CASK: variants seen among roughly 807,000 people sequenced by gnomAD.
The protein encoded by CASK is peripheral plasma membrane protein CASK.
A neutral mutation model predicts 82.9 loss-of-function variants in CASK; 4 were observed. The ratio of observed to expected loss-of-function variants is 0.05; its 90% CI spans 0.02 to 0.11. CASK has a LOEUF of 0.11. Ranked by LOEUF, CASK falls within the 10% of genes least tolerant of loss-of-function variation. The probability of loss-of-function intolerance (pLI) is 1.00; values close to 1 mark genes in which losing one functional copy is unlikely to be tolerated. For missense variants in CASK, 358 were observed against 720.9 expected (o/e 0.50, Z 5.76); for synonymous variants, 259 against 253.5 (o/e 1.02, Z -0.20).
At chrX:41,547,200 C>T (rs1433220994) in intron 21 of CASK, among the ~76,000 whole-genome samples, 1 of 112,227 alleles carries the variant, frequency 8.9e-6, no homozygotes, top group Non-Finnish European at 1.9e-5. Flanking sequence ...TCCCAAAGTG[C>T]TGGGATTACA....
chrX:41,711,519 G>A (rs1015002132), intron 5 of CASK, among the ~76,000 whole-genome samples: 5 of 110,702 alleles, frequency 4.5e-5, no homozygotes, highest in African/African-American at 1.6e-4. Context: ...AGATAGGGGC[G>A]AGTCCTCAGT....
chrX:41,551,198 A>G (rs915980815), intron 21 of CASK, among the ~76,000 whole-genome samples: 1 of 111,981 alleles, frequency 8.9e-6, no homozygotes, highest in Admixed American at 9.5e-5. Context: ...GGAAACTTCA[A>G]ATCAAGTACA....
At chrX:41,718,683 A>G (rs775769707) in intron 5 of CASK, among the ~76,000 whole-genome samples, 2 of 111,829 alleles carry the variant, frequency 1.8e-5, no homozygotes, top group Admixed American at 9.5e-5. Flanking sequence ...TCTACCCTCA[A>G]TTGGCATTGT....
At chrX:41,860,199 T>C (rs112878568) in intron 1 of CASK, among the ~76,000 whole-genome samples, 1,148 of 110,609 alleles carry the variant, frequency 0.01, 14 homozygotes, top group African/African-American at 0.035. Flanking sequence ...TGTAAGTACA[T>C]AAAATTTTGA....
At chrX:41,576,499 G>A (rs1003067990) in intron 15 of CASK, among the ~76,000 whole-genome samples, 10 of 111,198 alleles carry the variant, frequency 9.0e-5, no homozygotes, top group African/African-American at 3.3e-4. Flanking sequence ...TAAGTAAACC[G>A]TGCTAAGCTA....
chrX:41,768,769 ACCAG>A lies in CASK; in HGVS notation c.278+18405_278+18408del, dbSNP rs773790255. 6.3e-5 allele frequency among the ~76,000 whole-genome samples: 7 copies of A among 111,858 alleles called. No homozygotes were observed. In the East Asian group the frequency reaches 2.0e-3, roughly 31 times the overall value. On this transcript the variant is annotated intron_variant, in intron 3 of 26. Coordinates refer to ENST00000378163, the MANE Select transcript of CASK (RefSeq NM_001367721.1). Reference sequence around the variant, plus strand: ...GACTGCTTGAGCCCAGGAGTTCAGAACCAGCCTAGGCAAGCAAGGGAGAGCCCAT... The same window carrying A: ...GACTGCTTGAGCCCAGGAGTTCAGAACCTAGGCAAGCAAGGGAGAGCCCAT...
At chrX:41,684,838 T>C (rs2067415941) in intron 5 of CASK, among the ~76,000 whole-genome samples, 1 of 112,000 alleles carries the variant, frequency 8.9e-6, no homozygotes, top group Non-Finnish European at 1.9e-5. Flanking sequence ...CTAGGACAAC[T>C]GATGAAATTT....
intron 5 of CASK, chrX:41,727,185 C>T (rs770008035): frequency 8.3e-7 from 1 of 1,205,419 alleles, no homozygotes; most frequent in Non-Finnish European, 1.1e-6. Flanking sequence ...CGCACATCTA[C>T]CTGTCACACC....
chrX:41,678,392 A>G, intron 5 of CASK, among the ~76,000 whole-genome samples: 1 of 111,658 alleles, frequency 9.0e-6, no homozygotes, highest in Non-Finnish European at 1.9e-5. Flanking sequence ...TACTTGACTA[A>G]TGGTACCTAC....
At position 41,915,728 on chromosome X, in the gene CASK, G is replaced by A. The variant is rs184425524; in HGVS notation, c.59+7202C>T. Among the ~76,000 whole-genome samples, 4 of 110,271 alleles carry A rather than the reference G, an allele frequency of 3.6e-5. No individual in the cohort carries two copies. The East Asian group carries it at 1.1e-3, about 31-fold the overall frequency. ...AACTAGGCTGGACGCGGTGGCTCAC[G>A]CCTGTAATCCCAGCACTTTGGGAGG... On this transcript the variant is annotated intron_variant, in intron 1 of 26. Coordinates refer to ENST00000378163, the MANE Select transcript of CASK (RefSeq NM_001367721.1).
At chrX:41,743,134 T>C (rs903194885) in intron 4 of CASK, among the ~76,000 whole-genome samples, 1 of 112,040 alleles carries the variant, frequency 8.9e-6, no homozygotes, top group Non-Finnish European at 1.9e-5. Flanking sequence ...GTGGCAGAGA[T>C]AGGCTTGAAG....
At chrX:41,682,383 T>C (rs761785932) in intron 5 of CASK, among the ~76,000 whole-genome samples, 1 of 107,966 alleles carries the variant, frequency 9.3e-6, no homozygotes, top group East Asian at 2.9e-4. Context: ...CGAAACCTTA[T>C]CTCTACTAAA....
chrX:41,875,848 T>C (rs2071806958), intron 1 of CASK, among the ~76,000 whole-genome samples: 1 of 111,098 alleles, frequency 9.0e-6, no homozygotes, highest in African/African-American at 3.3e-5. Flanking sequence ...AACATAAACA[T>C]GAAAATGGAA....
chrX:41,810,547 C>T (rs1358005326), intron 2 of CASK, among the ~76,000 whole-genome samples: 1 of 111,197 alleles, frequency 9.0e-6, no homozygotes, highest in Non-Finnish European at 1.9e-5. Flanking sequence ...GAGATTTTGT[C>T]ACCACCAGGC....
At chrX:41,726,879 T>C in intron 5 of CASK, 1 of 353,823 alleles carries the variant, frequency 2.8e-6, no homozygotes, top group South Asian at 9.7e-5. Context: ...TTCCATCCAA[T>C]ACATTTTTGT....
At chrX:41,818,871 A>C (rs1013950443) in intron 2 of CASK, among the ~76,000 whole-genome samples, 1 of 111,071 alleles carries the variant, frequency 9.0e-6, no homozygotes, top group Non-Finnish European at 1.9e-5. Context: ...GACTTCAGAA[A>C]ATATCTAAAA....
chrX:41,587,698 AATTG>A (rs1461974898), intron 13 of CASK: 1 of 112,028 alleles, frequency 8.9e-6, no homozygotes, highest in Non-Finnish European at 1.9e-5. Context: ...GCACAGGTAA[AATTG>A]ATTGTTTTCA....
At chrX:41,726,121 G>A (rs990589393) in intron 5 of CASK, among the ~76,000 whole-genome samples, 1 of 111,812 alleles carries the variant, frequency 8.9e-6, no homozygotes, top group African/African-American at 3.3e-5. Context: ...TCTAGTTTTT[G>A]TATTTTTTAT....
At chrX:41,589,864 A>G in intron 12 of CASK, 1 of 316,558 alleles carries the variant, frequency 3.2e-6, no homozygotes, top group East Asian at 6.4e-5. Context: ...ATTCATCAAT[A>G]TTTCCTCAAT....
Sources: allele counts gnomAD v4.1 joint callset (sites outside exome capture counted in the v4.1 genomes callset), GRCh38; gene constraint gnomAD v4.1.1; transcripts MANE v1.5; gene names NCBI Gene and HGNC (gene_info 2026-07-23, HGNC 2026-07-21).